The following MINDY3 variants were observed in gnomAD, a reference collection of about 807,000 sequenced individuals.
The protein encoded by MINDY3 is ubiquitin carboxyl-terminal hydrolase MINDY-3.
MINDY3 carries 38 observed loss-of-function variants against 69.2 expected under a neutral mutation model. The observed-to-expected ratio is 0.55, with a 90% CI of 0.42 to 0.72. The LOEUF (loss-of-function observed/expected upper bound fraction) is 0.72, where lower values mean the gene tolerates loss of function less well. Among genes scored for constraint, MINDY3 ranks in the 30% least tolerant of loss-of-function variants. The pLI, the probability that MINDY3 is intolerant of heterozygous loss-of-function variation, is 0.00. For missense variants in MINDY3, 522 were observed against 519.0 expected (o/e 1.01, Z -0.06); for synonymous variants, 192 against 180.1 (o/e 1.07, Z -0.53).
chr10:15,795,203 C>G (rs1837722203), intron 11 of MINDY3, among the ~76,000 whole-genome samples: 1 of 152,130 alleles, frequency 6.6e-6, no homozygotes, highest in South Asian at 2.1e-4. Flanking sequence ...CATAACGCCT[C>G]TAAGAACTAG....
At chr10:15,840,975 G>A (rs989102571) in intron 4 of MINDY3, among the ~76,000 whole-genome samples, 4 of 151,082 alleles carry the variant, frequency 2.6e-5, no homozygotes, top group East Asian at 1.9e-4. Flanking sequence ...CAAATAATTC[G>A]GAAAGAAAAG....
At position 15,841,530 on chromosome 10, in the gene MINDY3, G is replaced by A. The variant is rs201003144; in HGVS notation, c.305C>T (p.Ser102Phe). Residue 102 changes from serine to phenylalanine, a missense_variant, in exon 4 of 15, where the codon TCT (serine) becomes TTT (phenylalanine). Ser to Phe is a radical substitution (Grantham distance 155, BLOSUM62 -2). Coordinates refer to ENST00000277632, the MANE Select transcript of MINDY3 (RefSeq NM_024948.4). ...DILESACCDH[S>F]GSYCLVSWLR... ...CCATGAAACCAAGCAGTATGATCCA[G>A]AGTGGTCACAACAAGCACTTTCTAA... 3 of 1,611,542 alleles carry A rather than the reference G, an allele frequency of 1.9e-6. No homozygotes were observed. The highest frequency in any genetic ancestry group is 2.5e-6 in the Non-Finnish European group (3 of 1,178,290).
At chr10:15,784,332 A>G (rs1162528955) in intron 13 of MINDY3, among the ~76,000 whole-genome samples, 7 of 152,206 alleles carry the variant, frequency 4.6e-5, no homozygotes, top group African/African-American at 1.4e-4. Context: ...ATCATAGCAA[A>G]TAAGTGTTCT....
intron 3 of MINDY3, among the ~76,000 whole-genome samples, chr10:15,842,721 T>A (rs1412722385): frequency 6.6e-6 from 1 of 151,802 alleles, no homozygotes. Context: ...AAATTCTTGT[T>A]ATTATAAGGT....
intron 4 of MINDY3, 48 bp downstream of exon 4, chr10:15,841,378 A>C (rs7097118): frequency 0.055 from 80,633 of 1,460,418 alleles, 8,024 homozygotes; most frequent in African/African-American, 0.44. Flanking sequence ...AGATTCATTA[A>C]AACAAAGGAA....
chr10:15,782,082 G>C, intron 14 of MINDY3, 73 bp downstream of exon 14: 1 of 1,088,898 alleles, frequency 9.2e-7, no homozygotes, highest in Non-Finnish European at 1.4e-6. Context: ...TACGGGAATC[G>C]AACATTGTTA....
intron 10 of MINDY3, among the ~76,000 whole-genome samples, chr10:15,804,870 ATTC>A (rs1255382025): frequency 3.3e-5 from 5 of 152,126 alleles, no homozygotes; most frequent in Admixed American, 6.6e-5. Context: ...CTTTTCTCTT[ATTC>A]TTCCATTATT....
chr10:15,782,333 G>A lies in MINDY3; in HGVS notation c.1117-107C>T, dbSNP rs534741031. 5.0e-4 allele frequency: 380 copies of A among 757,412 alleles called. 1 individual carries two copies. The African/African-American group carries it at 6.2e-3, about 12-fold the overall frequency. 46.9% of individuals were successfully genotyped at this position (757,412 alleles called of 1,614,324 possible). ...TTTCTCAAATCCTTATCCTTTGACT[G>A]GGGACTCATTTGACAAAAGAAGGAA... On this transcript the variant is annotated intron_variant, in intron 13 of 14. Coordinates refer to ENST00000277632, the MANE Select transcript of MINDY3 (RefSeq NM_024948.4).
chr10:15,800,843 G>A (rs1838207457), intron 10 of MINDY3, among the ~76,000 whole-genome samples: 1 of 152,094 alleles, frequency 6.6e-6, no homozygotes. Context: ...ATACCTCCTT[G>A]TACAAAAAAT....
At chr10:15,840,854 G>T (rs764002591) in intron 4 of MINDY3, among the ~76,000 whole-genome samples, 1 of 151,462 alleles carries the variant, frequency 6.6e-6, no homozygotes, top group Admixed American at 6.6e-5. Flanking sequence ...TGAATAATGA[G>T]AATAGCTATT....
intron 8 of MINDY3, among the ~76,000 whole-genome samples, chr10:15,824,858 A>G (rs1411522440): frequency 6.6e-6 from 1 of 152,232 alleles, no homozygotes; most frequent in Admixed American, 6.5e-5. Flanking sequence ...CAGTAAACAC[A>G]TGCTTAGACA....
At chr10:15,841,659 A>T in intron 3 of MINDY3, 60 bp from the exon 4 acceptor site, 3 of 1,102,844 alleles carry the variant, frequency 2.7e-6, no homozygotes, top group Non-Finnish European at 3.9e-6. Context: ...AAATTCTGTC[A>T]TGAATAACAA....
intron 10 of MINDY3, among the ~76,000 whole-genome samples, chr10:15,811,879 CTTAA>C (rs747110199): frequency 1.4e-4 from 22 of 152,188 alleles, no homozygotes; most frequent in Non-Finnish European, 2.6e-4. Flanking sequence ...TAATTAGATG[CTTAA>C]TTCAGTTTTC....
chr10:15,816,839 G>A lies in MINDY3; in HGVS notation c.878C>T (p.Ala293Val). 6.2e-7 allele frequency: 1 copy of A among 1,611,480 alleles called. No homozygotes were observed. Among genetic ancestry groups the A allele is most frequent in the African/African-American group, 1.3e-5 (1 of 74,900 alleles). ...GSETHLTVFF[A>V]KDMALVAPEA... ...AAAATCCTGCTATAAGCATACCTTG[G>A]CAAAAAATACGGTGAGGTGAGTCTC... The change falls in exon 10 of 15, where the codon GCC becomes GTC. Residue 293 changes from alanine to valine, a missense_variant. By Grantham distance (64) the Ala-to-Val change is moderately conservative. Coordinates refer to ENST00000277632, the MANE Select transcript of MINDY3 (RefSeq NM_024948.4).
At chr10:15,847,819 T>C in intron 2 of MINDY3, 45 bp downstream of exon 2, 1 of 1,403,184 alleles carries the variant, frequency 7.1e-7, no homozygotes, top group South Asian at 1.2e-5. Flanking sequence ...GTATGAAACG[T>C]TTCAAAATGT....
rs1408424440 is a variant in MINDY3 at position 15,860,311 on chromosome 10, G to C, written c.-12C>G. Reference sequence around the variant, plus strand: ...GTCAGTTCGGACATGATGAGGAACCGGCGGGCGGATCTTCGCTTTGCGGAC... The same window carrying C: ...GTCAGTTCGGACATGATGAGGAACCCGCGGGCGGATCTTCGCTTTGCGGAC... On this transcript the variant is annotated 5_prime_UTR_variant, in exon 1 of 15. Coordinates refer to ENST00000277632, the MANE Select transcript of MINDY3 (RefSeq NM_024948.4). 1 of 1,580,584 alleles carries C rather than the reference G, an allele frequency of 6.3e-7. No individual in the cohort carries two copies. Among genetic ancestry groups the C allele is most frequent in the Non-Finnish European group, 8.6e-7 (1 of 1,160,684 alleles).
At chr10:15,841,087 A>T (rs1564519384) in intron 4 of MINDY3, among the ~76,000 whole-genome samples, 1 of 151,466 alleles carries the variant, frequency 6.6e-6, no homozygotes, top group Non-Finnish European at 1.5e-5. Context: ...CCGTTTTTGC[A>T]ATACCAAAGC....
chr10:15,848,402 A>G (rs1245032710), intron 1 of MINDY3, among the ~76,000 whole-genome samples: 1 of 152,156 alleles, frequency 6.6e-6, no homozygotes, highest in Non-Finnish European at 1.5e-5. Context: ...TGGGAGGCAG[A>G]GGCGGGCGGA....
In MINDY3 at chr10:15,813,042, G is replaced by T. The variant is rs115858021; in HGVS notation, c.882+3793C>A. On this transcript the variant is annotated intron_variant, in intron 10 of 14. Transcript: ENST00000277632. The stretch of plus-strand genomic sequence containing the variant: ...AGAAGTCTTTTTTACCTATTCCCTG[G>T]GTTATCCTTCAATATATCCATTCTC... 6.7e-3 allele frequency among the ~76,000 whole-genome samples: 1,022 copies of T among 151,930 alleles called. 11 individuals carry two copies. The highest frequency in any genetic ancestry group is 0.023 in the African/African-American group (953 of 41,418).
Sources: gnomAD v4.1 joint callset for allele counts (sites outside exome capture counted in the v4.1 genomes callset) on GRCh38, gnomAD v4.1.1 for gene constraint, MANE v1.5 for transcripts, NCBI Gene and HGNC (gene_info 2026-07-23, HGNC 2026-07-21) for gene names.